Variants in CNTN5 observed in about 807,000 individuals in gnomAD.
CNTN5 encodes the protein contactin 5.
Under a neutral mutation model 129.1 loss-of-function variants are expected in CNTN5, and 77 were observed. The ratio of observed to expected loss-of-function variants is 0.60; its 90% CI spans 0.50 to 0.72. CNTN5 has a LOEUF of 0.72. Among genes scored for constraint, CNTN5 ranks in the 30% least tolerant of loss-of-function variants. CNTN5 has a pLI of 0.00. For synonymous variants in CNTN5, 509 were observed against 465.6 expected, an observed-to-expected ratio of 1.09 and a Z score of -1.20; for missense variants, 1,478 against 1,328.8, an observed-to-expected ratio of 1.11 and a Z score of -1.75.
At chr11:99,133,812 A>G (rs1859080127) in intron 1 of CNTN5, among the ~76,000 whole-genome samples, 1 of 152,158 alleles carries the variant, frequency 6.6e-6, no homozygotes, top group Non-Finnish European at 1.5e-5. Context: ...GCTGGTGGCA[A>G]TGTAAAATAG....
chr11:99,743,455 T>A (rs959266354), intron 3 of CNTN5, among the ~76,000 whole-genome samples: 1 of 152,200 alleles, frequency 6.6e-6, no homozygotes, highest in African/African-American at 2.4e-5. Context: ...CACTGTCCCA[T>A]AAAAACTGTG....
At chr11:99,257,558 A>G (rs1286791735) in intron 1 of CNTN5, among the ~76,000 whole-genome samples, 1 of 152,108 alleles carries the variant, frequency 6.6e-6, no homozygotes, top group African/African-American at 2.4e-5. Flanking sequence ...TTTTAATGAA[A>G]AAAAGGTGTA....
At chr11:99,883,983 A>G (rs545223802) in intron 6 of CNTN5, among the ~76,000 whole-genome samples, 6 of 152,316 alleles carry the variant, frequency 3.9e-5, no homozygotes, top group African/African-American at 1.4e-4. Context: ...GTAAAAATTC[A>G]TATTGGGGAA....
intron 9 of CNTN5, among the ~76,000 whole-genome samples, chr11:100,029,112 C>G (rs1277273224): frequency 6.6e-6 from 1 of 151,286 alleles, no homozygotes; most frequent in East Asian, 1.9e-4. Flanking sequence ...GTTTTTCTGC[C>G]TTAACGGCTG....
At chr11:99,271,506 A>G (rs1400511498) in intron 1 of CNTN5, among the ~76,000 whole-genome samples, 1 of 151,868 alleles carries the variant, frequency 6.6e-6, no homozygotes, top group Non-Finnish European at 1.5e-5. Context: ...TTATTGCTAC[A>G]TAACAAATTA....
intron 1 of CNTN5, among the ~76,000 whole-genome samples, chr11:99,135,321 T>C (rs921797340): frequency 6.6e-6 from 1 of 152,146 alleles, no homozygotes; most frequent in Non-Finnish European, 1.5e-5. Flanking sequence ...AATAGAGGGA[T>C]ATGATAGAAA....
chr11:99,297,382 G>C (rs1374498594), intron 1 of CNTN5, among the ~76,000 whole-genome samples: 1 of 152,102 alleles, frequency 6.6e-6, no homozygotes, highest in Non-Finnish European at 1.5e-5. Context: ...GCTCCCCATG[G>C]TCAGCGATCC....
chr11:99,773,217 AG>A (rs1390983414), intron 3 of CNTN5, among the ~76,000 whole-genome samples: 1 of 152,142 alleles, frequency 6.6e-6, no homozygotes, highest in African/African-American at 2.4e-5. Flanking sequence ...TATTTATCAA[AG>A]ATAACAAGGT....
intron 3 of CNTN5, among the ~76,000 whole-genome samples, chr11:99,655,572 C>G (rs918916918): frequency 1.3e-5 from 2 of 152,112 alleles, no homozygotes; most frequent in African/African-American, 4.8e-5. Context: ...CAAACAGTTG[C>G]AGTGTCAGTA....
chr11:99,381,435 A>G (rs1031589582), intron 2 of CNTN5, among the ~76,000 whole-genome samples: 3 of 152,194 alleles, frequency 2.0e-5, no homozygotes, highest in Non-Finnish European at 2.9e-5. Context: ...ATGTAATAGT[A>G]TTTTAATGCA....
At chr11:99,278,770 A>G (rs1440127213) in intron 1 of CNTN5, among the ~76,000 whole-genome samples, 1 of 151,768 alleles carries the variant, frequency 6.6e-6, no homozygotes, top group African/African-American at 2.4e-5. Context: ...TTCACTCATG[A>G]CCATTAATTA....
intron 3 of CNTN5, among the ~76,000 whole-genome samples, chr11:99,799,646 T>A (rs1446691736): frequency 7.2e-5 from 11 of 152,122 alleles, no homozygotes; most frequent in Non-Finnish European, 1.6e-4. Context: ...TTTGGTTTGC[T>A]AGTGTTTTGT....
At chr11:99,657,418 G>A (rs1396039508) in intron 3 of CNTN5, among the ~76,000 whole-genome samples, 1 of 152,008 alleles carries the variant, frequency 6.6e-6, no homozygotes, top group Non-Finnish European at 1.5e-5. Context: ...ATTGGGCAGG[G>A]CTGCCTAATA....
At chr11:99,254,605 G>A (rs1862282553) in intron 1 of CNTN5, among the ~76,000 whole-genome samples, 1 of 151,890 alleles carries the variant, frequency 6.6e-6, no homozygotes, top group African/African-American at 2.4e-5. Context: ...CCTTATTACT[G>A]AAGTTGAATT....
intron 3 of CNTN5, among the ~76,000 whole-genome samples, chr11:99,671,876 G>T (rs964924985): frequency 1.1e-4 from 16 of 152,124 alleles, no homozygotes; most frequent in African/African-American, 3.1e-4. Flanking sequence ...CTATACCTGT[G>T]TGCGCACGCA....
chr11:99,677,713 A>C (rs189723537), intron 3 of CNTN5, among the ~76,000 whole-genome samples: 76 of 151,042 alleles, frequency 5.0e-4, no homozygotes, highest in African/African-American at 1.8e-3. Context: ...ATTTTATTCT[A>C]CATCCTTCTT....
intron 13 of CNTN5, among the ~76,000 whole-genome samples, chr11:100,166,605 A>G (rs1282462465): frequency 6.9e-6 from 1 of 144,484 alleles, no homozygotes; most frequent in African/African-American, 2.9e-5. Flanking sequence ...GGGTTCATTT[A>G]AGAAGAAATG....
chr11:100,096,481 T>A lies in CNTN5; in HGVS notation c.1580+22187T>A, dbSNP rs571899332. Among the ~76,000 whole-genome samples the A allele has an allele frequency of 4.0e-5, 6 of 151,364 alleles. No homozygotes were observed. The South Asian group carries it at 1.2e-3, about 31-fold the overall frequency. On this transcript the variant is annotated intron_variant, in intron 13 of 24. Transcript: ENST00000524871. The stretch of plus-strand genomic sequence containing the variant: ...CTAGTGTGTAAACAACTACTTCACA[T>A]CATCCCCTGATACCTGATCTCCCTC...
intron 1 of CNTN5, among the ~76,000 whole-genome samples, chr11:99,261,221 ATAATAAG>A (rs989520522): frequency 2.0e-5 from 3 of 151,998 alleles, no homozygotes; most frequent in Non-Finnish European, 4.4e-5. Context: ...ATTGGTTAAA[ATAATAAG>A]TAATAAGAAA....
Sources: allele counts gnomAD v4.1 joint callset (sites outside exome capture counted in the v4.1 genomes callset), GRCh38; gene constraint gnomAD v4.1.1; transcripts MANE v1.5; gene names NCBI Gene and HGNC (gene_info 2026-07-23, HGNC 2026-07-21).